Variants in PDE4B observed in about 807,000 individuals in gnomAD.
PDE4B encodes phosphodiesterase 4B.
In PDE4B, 20 loss-of-function variants were observed where a neutral mutation model predicts 82.2. That is an observed-to-expected ratio of 0.24 (90% CI 0.17 to 0.35). The LOEUF is 0.35. Ranked by LOEUF, PDE4B falls within the 10% of genes least tolerant of loss-of-function variation. The pLI, the probability that PDE4B is intolerant of heterozygous loss-of-function variation, is 1.00. For synonymous variants in PDE4B, 320 were observed against 318.9 expected (o/e 1.00, Z -0.04); for missense variants, 655 against 907.2 (o/e 0.72, Z 3.57).
intron 1 of PDE4B, among the ~76,000 whole-genome samples, chr1:65,873,205 T>C (rs141576794): frequency 2.3e-3 from 349 of 152,224 alleles, no homozygotes; most frequent in Non-Finnish European, 4.3e-3. Flanking sequence ...GCAAGAAAGA[T>C]AGGGATGTCT....
intron 3 of PDE4B, among the ~76,000 whole-genome samples, chr1:65,966,640 TC>T (rs1272436603): frequency 6.6e-6 from 1 of 152,104 alleles, no homozygotes; most frequent in African/African-American, 2.4e-5. Context: ...CTACCTGACT[TC>T]AAACTATACT....
intron 1 of PDE4B, among the ~76,000 whole-genome samples, chr1:65,849,213 G>A (rs10493391): frequency 0.11 from 16,994 of 152,168 alleles, 1,073 homozygotes; most frequent in Non-Finnish European, 0.14. Flanking sequence ...AGGGGTAAGT[G>A]TTGATGGACA....
intron 3 of PDE4B, among the ~76,000 whole-genome samples, chr1:66,118,222 T>C (rs927076877): frequency 9.2e-5 from 14 of 152,184 alleles, no homozygotes; most frequent in African/African-American, 2.7e-4. Context: ...CATTACTGGG[T>C]ATATGCCCAA....
At chr1:65,957,894 G>T (rs1259157036) in intron 3 of PDE4B, among the ~76,000 whole-genome samples, 1 of 151,900 alleles carries the variant, frequency 6.6e-6, no homozygotes, top group African/African-American at 2.4e-5. Context: ...TGATTATTAT[G>T]CATAATAACT....
At chr1:66,193,596 C>T (rs980189146) in intron 3 of PDE4B, among the ~76,000 whole-genome samples, 4 of 152,072 alleles carry the variant, frequency 2.6e-5, no homozygotes, top group African/African-American at 9.7e-5. Context: ...GTTTGGAATT[C>T]TTATGAAGCT....
chr1:66,315,372 C>T (rs993752707), intron 7 of PDE4B, among the ~76,000 whole-genome samples: 10 of 152,186 alleles, frequency 6.6e-5, no homozygotes, highest in African/African-American at 1.4e-4. Flanking sequence ...CTCAACCCCA[C>T]GAATTACTGT....
chr1:66,307,613 A>G (rs952609390), intron 7 of PDE4B, among the ~76,000 whole-genome samples: 3 of 152,214 alleles, frequency 2.0e-5, no homozygotes, highest in South Asian at 4.1e-4. Flanking sequence ...GTGGAGAATC[A>G]GTAGAGAGAT....
chr1:65,966,203 C>T (rs1649820521), intron 3 of PDE4B, among the ~76,000 whole-genome samples: 1 of 152,190 alleles, frequency 6.6e-6, no homozygotes. Context: ...AGCAAAGTCT[C>T]AGGATATAAA....
chr1:66,138,352 C>G (rs932837881), intron 3 of PDE4B, among the ~76,000 whole-genome samples: 2 of 152,114 alleles, frequency 1.3e-5, no homozygotes, highest in Non-Finnish European at 2.9e-5. Flanking sequence ...AATCCCGTCT[C>G]TACTAAAAAT....
intron 1 of PDE4B, among the ~76,000 whole-genome samples, chr1:65,850,904 T>G (rs1557778385): frequency 6.6e-6 from 1 of 152,204 alleles, no homozygotes; most frequent in African/African-American, 2.4e-5. Flanking sequence ...CTTTCATGTT[T>G]TATTCTGTAA....
At chr1:66,277,883 T>C (rs1025470256) in intron 7 of PDE4B, among the ~76,000 whole-genome samples, 1 of 152,234 alleles carries the variant, frequency 6.6e-6, no homozygotes, top group Non-Finnish European at 1.5e-5. Flanking sequence ...TCAATACCTT[T>C]CTTTCTCTGT....
At chr1:65,838,953 G>A (rs939738762) in intron 1 of PDE4B, among the ~76,000 whole-genome samples, 8 of 152,084 alleles carry the variant, frequency 5.3e-5, no homozygotes, top group African/African-American at 1.9e-4. Context: ...TAAGTGTTTT[G>A]TATAATTTCA....
intron 7 of PDE4B, among the ~76,000 whole-genome samples, chr1:66,304,110 G>A (rs1016025458): frequency 6.6e-6 from 1 of 152,024 alleles, no homozygotes; most frequent in Admixed American, 6.6e-5. Context: ...ATCCTTTCAG[G>A]TATTTAGGAG....
chr1:66,306,458 G>A (rs147920073), intron 7 of PDE4B, among the ~76,000 whole-genome samples: 24 of 152,236 alleles, frequency 1.6e-4, no homozygotes, highest in African/African-American at 5.3e-4. Context: ...GAATGCAATA[G>A]ATATTTTTGA....
intron 3 of PDE4B, among the ~76,000 whole-genome samples, chr1:65,936,740 C>T (rs972865184): frequency 6.6e-6 from 1 of 152,096 alleles, no homozygotes; most frequent in African/African-American, 2.4e-5. Context: ...TAGATTTTCT[C>T]CAAAAGTAGG....
chr1:66,035,589 T>C (rs907468949), intron 3 of PDE4B, among the ~76,000 whole-genome samples: 1 of 152,242 alleles, frequency 6.6e-6, no homozygotes, highest in Non-Finnish European at 1.5e-5. Context: ...TGTTTGTCTC[T>C]CTGTGTGTGG....
intron 7 of PDE4B, among the ~76,000 whole-genome samples, chr1:66,266,452 C>T (rs1324961953): frequency 6.6e-6 from 1 of 152,168 alleles, no homozygotes; most frequent in Non-Finnish European, 1.5e-5. Context: ...ACCTAAGGTG[C>T]TCCACGTTCG....
At chr1:65,908,386 G>A (rs1647050714) in intron 1 of PDE4B, among the ~76,000 whole-genome samples, 1 of 152,140 alleles carries the variant, frequency 6.6e-6, no homozygotes, top group Non-Finnish European at 1.5e-5. Flanking sequence ...GGGGCTGAAA[G>A]ACATTGGTAA....
intron 3 of PDE4B, among the ~76,000 whole-genome samples, chr1:66,057,016 GAAAT>G (rs1655337889): frequency 6.6e-6 from 1 of 152,090 alleles, no homozygotes; most frequent in Non-Finnish European, 1.5e-5. Context: ...TGTATTGAAG[GAAAT>G]AAATATATTT....
Sources: gnomAD v4.1 joint callset for allele counts (sites outside exome capture counted in the v4.1 genomes callset) on GRCh38, gnomAD v4.1.1 for gene constraint, MANE v1.5 for transcripts, NCBI Gene and HGNC (gene_info 2026-07-23, HGNC 2026-07-21) for gene names.